UST: variants seen among roughly 807,000 people sequenced by gnomAD.
UST encodes the protein uronyl 2-sulfotransferase.
In UST, 21 loss-of-function variants were observed where a neutral mutation model predicts 45.6. That is an observed-to-expected ratio of 0.46 (90% CI 0.33 to 0.66). UST has a LOEUF of 0.66. UST is among the 30% of genes least tolerant of loss of function. The pLI, the probability that UST is intolerant of heterozygous loss-of-function variation, is 0.02. For missense variants in UST, 463 were observed against 512.4 expected (o/e 0.90, Z 0.93); for synonymous variants, 215 against 200.6 (o/e 1.07, Z -0.61).
intron 2 of UST, among the ~76,000 whole-genome samples, chr6:148,909,785 G>A (rs1779438777): frequency 6.6e-6 from 1 of 152,106 alleles, no homozygotes; most frequent in South Asian, 2.1e-4. Flanking sequence ...CTTTTGCTAG[G>A]TAGCAATTCC....
At chr6:148,987,063 AT>A (rs1387451480) in intron 5 of UST, among the ~76,000 whole-genome samples, 1 of 150,738 alleles carries the variant, frequency 6.6e-6, no homozygotes, top group African/African-American at 2.4e-5. Flanking sequence ...GGCAGACACT[AT>A]TGGAAAAATG....
intron 1 of UST, among the ~76,000 whole-genome samples, chr6:148,871,778 A>G (rs1344900579): frequency 2.6e-5 from 4 of 152,134 alleles, no homozygotes; most frequent in Non-Finnish European, 5.9e-5. Context: ...CATAAGAGAA[A>G]CCCACTCACT....
rs1187312973 is a variant in UST, at chr6:148,748,174, C to A, written c.247+497C>A. Among the ~76,000 whole-genome samples, 1 of 152,184 alleles carries A rather than the reference C, an allele frequency of 6.6e-6. No individual in the cohort carries two copies. Among genetic ancestry groups the A allele is most frequent in the Non-Finnish European group, 1.5e-5 (1 of 68,032 alleles). ...GCTCTGAGAATTCTGTCCCGCAGAT[C>A]CCCCGCCTGCCCGCCGGCCCTAGTG... On this transcript the variant is annotated intron_variant, in intron 1 of 7. Coordinates refer to ENST00000367463, the MANE Select transcript of UST (RefSeq NM_005715.3). The surrounding 1 kb of genome is among the most constrained non-coding windows in gnomAD (Gnocchi z 5.3).
intron 5 of UST, among the ~76,000 whole-genome samples, chr6:149,003,315 T>G (rs1014913254): frequency 6.6e-6 from 1 of 152,160 alleles, no homozygotes; most frequent in Non-Finnish European, 1.5e-5. Context: ...TCCCACCCCT[T>G]TTTCCTCAGT....
At chr6:148,944,400 A>C (rs1780190725) in intron 3 of UST, among the ~76,000 whole-genome samples, 1 of 152,012 alleles carries the variant, frequency 6.6e-6, no homozygotes, top group African/African-American at 2.4e-5. Context: ...AATATTATCC[A>C]TTTCTAAGAC....
At chr6:148,944,557 T>C (rs1780196413) in intron 3 of UST, among the ~76,000 whole-genome samples, 1 of 143,386 alleles carries the variant, frequency 7.0e-6, no homozygotes, top group South Asian at 2.2e-4. Flanking sequence ...AGAGCTAAAT[T>C]TTTTAAATCT....
At chr6:148,975,674 GA>G (rs1257750873) in intron 5 of UST, among the ~76,000 whole-genome samples, 1 of 152,016 alleles carries the variant, frequency 6.6e-6, no homozygotes, top group East Asian at 1.9e-4. Context: ...ATTTCAGTTA[GA>G]AAAAAAGCAT....
chr6:148,912,638 C>A (rs150870255), intron 2 of UST, among the ~76,000 whole-genome samples: 1 of 152,176 alleles, frequency 6.6e-6, no homozygotes, highest in African/African-American at 2.4e-5. Context: ...CCGGTCAGAG[C>A]CTGTTCATAT....
intron 5 of UST, among the ~76,000 whole-genome samples, chr6:148,989,212 C>A (rs1034036107): frequency 5.0e-4 from 33 of 65,588 alleles, no homozygotes; most frequent in African/African-American, 9.6e-4. Context: ...AGTAAAGGCC[C>A]CCCCCCACCC....
At chr6:148,764,776 C>G (rs1169618817) in intron 1 of UST, among the ~76,000 whole-genome samples, 1 of 152,142 alleles carries the variant, frequency 6.6e-6, no homozygotes, top group African/African-American at 2.4e-5. Context: ...GGCAGAAGGT[C>G]AGGGCGAAAC....
intron 3 of UST, among the ~76,000 whole-genome samples, chr6:148,949,356 C>T (rs1780315708): frequency 6.8e-6 from 1 of 147,628 alleles, no homozygotes; most frequent in African/African-American, 2.5e-5. Context: ...GGTTTCTTGT[C>T]CACTGCACTC....
At chr6:148,782,395 G>T (rs1228524099) in intron 1 of UST, among the ~76,000 whole-genome samples, 2 of 152,086 alleles carry the variant, frequency 1.3e-5, no homozygotes, top group African/African-American at 4.8e-5. Context: ...ACCTGAAAAT[G>T]GGACTAAATT....
At position 149,024,088 on chromosome 6, in the gene UST, C is replaced by G. The variant is rs539945868; in HGVS notation, c.937+2607C>G. Among the ~76,000 whole-genome samples, 3 of 152,350 alleles carry G rather than the reference C, an allele frequency of 2.0e-5. No homozygotes were observed. In the South Asian group the frequency reaches 6.2e-4, roughly 32 times the overall value. Reference sequence around the variant, plus strand: ...GGATGAAAGGTTTCCATAAGCCAGGCCACTTGGCCAGTCCACGTGGTCCAG... The same window carrying G: ...GGATGAAAGGTTTCCATAAGCCAGGGCACTTGGCCAGTCCACGTGGTCCAG... On this transcript the variant is annotated intron_variant, in intron 7 of 7. Transcript: ENST00000367463.
intron 1 of UST, among the ~76,000 whole-genome samples, chr6:148,865,696 GT>G (rs1582862383): frequency 4.7e-5 from 7 of 149,698 alleles, no homozygotes; most frequent in East Asian, 3.9e-4. Flanking sequence ...GTGTGTGTGT[GT>G]GTGTGTGTGT....
At chr6:148,949,409 ATAATAATAATAATAATAATAATAATAT>A (rs200085474) in intron 3 of UST, among the ~76,000 whole-genome samples, 9,951 of 129,974 alleles carry the variant, frequency 0.077, 437 homozygotes, top group South Asian at 0.17. Flanking sequence ...AATAATAATA[ATAATAATAATAATAATAATAATAATAT>A]TACTTATTCA....
intron 2 of UST, among the ~76,000 whole-genome samples, chr6:148,889,001 C>T (rs1271177095): frequency 6.6e-6 from 1 of 152,246 alleles, no homozygotes; most frequent in Non-Finnish European, 1.5e-5. Flanking sequence ...CCATGGAATC[C>T]AGAGCTGGAA....
At chr6:149,040,901 T>C (rs190171141) in intron 7 of UST, among the ~76,000 whole-genome samples, 1 of 152,262 alleles carries the variant, frequency 6.6e-6, no homozygotes, top group East Asian at 1.9e-4. Flanking sequence ...TAAGTTGTCA[T>C]AGTAGAGACA....
chr6:149,018,267 G>A (rs950043480), intron 5 of UST, among the ~76,000 whole-genome samples: 1 of 117,692 alleles, frequency 8.5e-6, no homozygotes, highest in Non-Finnish European at 1.7e-5. Flanking sequence ...ATCAGATACA[G>A]TAGCTTCTAC....
chr6:148,804,395 G>C (rs760799809), intron 1 of UST, among the ~76,000 whole-genome samples: 2 of 152,166 alleles, frequency 1.3e-5, no homozygotes, highest in South Asian at 2.1e-4. Flanking sequence ...GTGTGTGAGG[G>C]GGGGTCATGG....
Sources: allele counts gnomAD v4.1 joint callset (sites outside exome capture counted in the v4.1 genomes callset), GRCh38; gene constraint gnomAD v4.1.1; non-coding constraint Gnocchi (gnomAD v3.1); transcripts MANE v1.5; gene names NCBI Gene and HGNC (gene_info 2026-07-23, HGNC 2026-07-21).